The following HYDIN variants were observed in gnomAD, a reference collection of about 807,000 sequenced individuals.
HYDIN encodes axonemal central pair apparatus protein HYDIN.
Under a neutral mutation model 403.9 loss-of-function variants are expected in HYDIN, and 132 were observed. That is an observed-to-expected ratio of 0.33 (90% CI 0.28 to 0.38). The LOEUF (loss-of-function observed/expected upper bound fraction) is 0.38. HYDIN is among the 10% of genes least tolerant of loss of function. The probability of loss-of-function intolerance (pLI) is 1.00; values close to 1 mark genes in which losing one functional copy is unlikely to be tolerated. For missense variants in HYDIN, 2,827 were observed against 5,009.5 expected, an observed-to-expected ratio of 0.56 and a Z score of 13.15; for synonymous variants, 1,202 against 1,891.7, an observed-to-expected ratio of 0.64 and a Z score of 9.46.
chr16:71,069,541 C>A, intron 13 of HYDIN, 39 bp from the exon 14 acceptor site: 26 of 1,519,318 alleles, frequency 1.7e-5, no homozygotes, highest in South Asian at 2.3e-5. Context: ...AAAAGCCCCC[C>A]CAACACCTCC....
chr16:71,064,726 T>C lies in HYDIN; in HGVS notation c.2190A>G (p.Gly730=), dbSNP rs1275020324. The C allele has an allele frequency of 6.2e-7, 1 of 1,613,982 alleles. No individual in the cohort carries two copies. The highest frequency in any genetic ancestry group is 1.7e-5 in the Admixed American group (1 of 60,010). Reference sequence around the variant, plus strand: ...TCACCTGAGGCTGGACCTCATAGAATCCTGGGAGGTCATCTTGATTGGCAA... The same window carrying C: ...TCACCTGAGGCTGGACCTCATAGAACCCTGGGAGGTCATCTTGATTGGCAA... ...LQLANQDDLP[G]FYEVQPQVCE... is the part of the protein sequence containing the mutation. Residue 730 remains glycine, a synonymous_variant, in exon 16 of 86, where the codon GGA becomes GGG. Coordinates refer to ENST00000393567, the MANE Select transcript of HYDIN (RefSeq NM_001270974.2).
intron 8 of HYDIN, among the ~76,000 whole-genome samples, chr16:71,130,201 T>C (rs562089735): frequency 1.2e-3 from 185 of 152,352 alleles, no homozygotes; most frequent in Non-Finnish European, 2.2e-3. Context: ...TTTTGTTCCT[T>C]TTAAATTTGC....
intron 47 of HYDIN, among the ~76,000 whole-genome samples, chr16:70,913,986 T>C (rs2076765841): frequency 7.3e-6 from 1 of 136,140 alleles, no homozygotes; most frequent in Non-Finnish European, 1.7e-5. Flanking sequence ...AAAGCCTTTT[T>C]CCACCCTTTT....
At chr16:70,923,469 CAAAAAA>C (rs59968942) in intron 45 of HYDIN, among the ~76,000 whole-genome samples, 2 of 28,274 alleles carry the variant, frequency 7.1e-5, no homozygotes, top group Non-Finnish European at 1.6e-4. Flanking sequence ...ACTCCATCTC[CAAAAAA>C]AAAAAAAAAA....
intron 1 of HYDIN, among the ~76,000 whole-genome samples, chr16:71,215,423 A>G (rs1302976989): frequency 6.6e-6 from 1 of 152,226 alleles, no homozygotes; most frequent in Non-Finnish European, 1.5e-5. Flanking sequence ...ATATGATAGC[A>G]CTATTTGAAA....
chr16:71,190,252 A>T lies in HYDIN; in HGVS notation c.-23-3334T>A, dbSNP rs2087365405. ...AACTTGGCACATTGTCTCATACCAT[A>T]AAACAAGAACGTTATCAAGAGCTAC... is the stretch of plus-strand genomic sequence containing the variant. On this transcript the variant is annotated intron_variant, in intron 1 of 85. Coordinates refer to ENST00000393567, the MANE Select transcript of HYDIN (RefSeq NM_001270974.2). Among the ~76,000 whole-genome samples, 4 of 152,164 alleles carry T rather than the reference A, an allele frequency of 2.6e-5. No homozygotes were observed. In the South Asian group the frequency reaches 8.3e-4, roughly 32 times the overall value.
In HYDIN at chr16:70,938,702, C is replaced by G. The variant is rs763192633; in HGVS notation, c.6907G>C (p.Asp2303His). ...GTCAGGGCATCATATTCTTCCTCAT[C>G]CATGTTTTGGAGACGCTCCTTCTCT... is the stretch of plus-strand genomic sequence containing the variant. ...EKEKERLQNM[D>H]EEEYDALTEE... The change falls in exon 44 of 86, where the codon GAT becomes CAT. Residue 2303 changes from aspartate to histidine, a missense_variant. Transcript: ENST00000393567. The G allele has an allele frequency of 6.2e-7, 1 of 1,614,018 alleles. No individual in the cohort carries two copies. Among genetic ancestry groups the G allele is most frequent in the South Asian group, 1.1e-5 (1 of 91,084 alleles).
rs1445670562 is a variant in HYDIN, at chr16:71,062,344, G to A, written c.2212-11C>T. 3 of 1,597,870 alleles carry A rather than the reference G, an allele frequency of 1.9e-6. No homozygotes were observed. Among genetic ancestry groups the A allele is most frequent in the East Asian group, 2.3e-5 (1 of 44,348 alleles). The stretch of plus-strand genomic sequence containing the variant: ...CACCTCCTCACACACCTGGGGGAGA[G>A]AAAACCAGAGGGGTAAGGACAGCAC... On this transcript the variant is annotated splice_polypyrimidine_tract_variant and intron_variant, in intron 16 of 85. Coordinates refer to ENST00000393567, the MANE Select transcript of HYDIN (RefSeq NM_001270974.2).
At chr16:70,927,921 A>T (rs1173819161) in intron 45 of HYDIN, among the ~76,000 whole-genome samples, 1 of 151,994 alleles carries the variant, frequency 6.6e-6, no homozygotes, top group African/African-American at 2.4e-5. Context: ...GCAAAACTTG[A>T]GTAATTTGTT....
chr16:70,905,455 A>G lies in HYDIN; in HGVS notation c.8517-1391T>C, dbSNP rs1229812268. 2.6e-5 allele frequency among the ~76,000 whole-genome samples: 4 copies of G among 151,742 alleles called. No homozygotes were observed. In the East Asian group the frequency reaches 7.8e-4, roughly 30 times the overall value. On this transcript the variant is annotated intron_variant, in intron 50 of 85. Transcript: ENST00000393567. ...CTCGGAGTTCGAGACCAGCCTGGGC[A>G]ACATGGTGAAACCCCATCTCTACAA...
intron 5 of HYDIN, among the ~76,000 whole-genome samples, chr16:71,168,319 C>CA (rs71302043): frequency 0.36 from 31,292 of 86,316 alleles, 5,501 homozygotes; most frequent in East Asian, 0.54. Flanking sequence ...AACCCTGCTT[C>CA]AAAAAAAAAA....
rs187786397 is a variant in HYDIN, at chr16:71,210,801, C to T, written c.-24+19761G>A. Among the ~76,000 whole-genome samples the T allele has an allele frequency of 8.8e-4, 134 of 152,010 alleles. 1 individual carries two copies. Among genetic ancestry groups the T allele is most frequent in the Non-Finnish European group, 1.6e-3 (112 of 67,982 alleles). On this transcript the variant is annotated intron_variant, in intron 1 of 85. Transcript: ENST00000393567. The stretch of plus-strand genomic sequence containing the variant: ...TATTAGTAAAACCTTTGTTACTTGG[C>T]CCTACAGAATAATAAATGCAACTGT...
At chr16:71,068,738 A>G (rs560009255) in intron 14 of HYDIN, among the ~76,000 whole-genome samples, 3 of 152,368 alleles carry the variant, frequency 2.0e-5, no homozygotes, top group Admixed American at 6.5e-5. Context: ...AGTATTCCTC[A>G]GGATGAGGAA....
intron 1 of HYDIN, among the ~76,000 whole-genome samples, chr16:71,190,322 A>G (rs2087369222): frequency 6.8e-6 from 1 of 146,020 alleles, no homozygotes; most frequent in Non-Finnish European, 1.5e-5. Context: ...ATTCCCATTA[A>G]CCAAAGATGA....
chr16:71,191,381 C>A (rs948271294), intron 1 of HYDIN, among the ~76,000 whole-genome samples: 7 of 152,080 alleles, frequency 4.6e-5, no homozygotes, highest in Admixed American at 1.3e-4. Context: ...CTGAGATATA[C>A]TTTAAAATAC....
intron 18 of HYDIN, among the ~76,000 whole-genome samples, chr16:71,042,445 G>C (rs1304388993): frequency 6.6e-6 from 1 of 151,152 alleles, no homozygotes; most frequent in Admixed American, 6.6e-5. Context: ...CTTTTTTCTT[G>C]CCCACTCTCC....
intron 23 of HYDIN, among the ~76,000 whole-genome samples, chr16:70,995,063 T>C (rs1160943145): frequency 6.6e-6 from 1 of 152,116 alleles, no homozygotes; most frequent in East Asian, 1.9e-4. Context: ...AAGAGGTCTT[T>C]CTGGAAATCA....
intron 64 of HYDIN, 126 bp from the exon 65 acceptor site, chr16:70,872,305 C>G: frequency 1.9e-6 from 1 of 537,362 alleles, no homozygotes; most frequent in Non-Finnish European, 3.3e-6. Flanking sequence ...ATTTGAGAAA[C>G]CTAGAATCTC....
At chr16:71,139,145 C>T (rs2085065888) in intron 7 of HYDIN, among the ~76,000 whole-genome samples, 1 of 146,030 alleles carries the variant, frequency 6.8e-6, no homozygotes, top group Non-Finnish European at 1.5e-5. Context: ...TGAGGGTGAA[C>T]TGGAAGTAGA....
Sources: gnomAD v4.1 joint callset for allele counts (sites outside exome capture counted in the v4.1 genomes callset) on GRCh38, gnomAD v4.1.1 for gene constraint, MANE v1.5 for transcripts, NCBI Gene and HGNC (gene_info 2026-07-23, HGNC 2026-07-21) for gene names.